The following KCNJ6 variants were observed in gnomAD, a reference collection of about 807,000 sequenced individuals.
The protein encoded by KCNJ6 is potassium inwardly rectifying channel subfamily J member 6, also known as G protein-activated inward rectifier potassium channel 2.
A neutral mutation model predicts 34.2 loss-of-function variants in KCNJ6; 9 were observed. The ratio of observed to expected loss-of-function variants is 0.26; its 90% CI spans 0.16 to 0.46. The LOEUF (loss-of-function observed/expected upper bound fraction) is 0.46. KCNJ6 is among the 20% of genes least tolerant of loss of function. The probability of loss-of-function intolerance (pLI) is 1.00; values close to 1 mark genes in which losing one functional copy is unlikely to be tolerated. For synonymous variants in KCNJ6, 196 were observed against 207.1 expected, an observed-to-expected ratio of 0.95 and a Z score of 0.46; for missense variants, 236 against 531.3, an observed-to-expected ratio of 0.44 and a Z score of 5.46.
intron 3 of KCNJ6, among the ~76,000 whole-genome samples, chr21:37,680,005 T>C (rs552258165): frequency 1.2e-4 from 19 of 152,340 alleles, no homozygotes; most frequent in African/African-American, 4.3e-4. Flanking sequence ...ATTAAAATTC[T>C]TATTTGACAA....
chr21:37,802,584 C>T (rs1014699302), intron 2 of KCNJ6, among the ~76,000 whole-genome samples: 1 of 152,154 alleles, frequency 6.6e-6, no homozygotes, highest in Admixed American at 6.5e-5. Context: ...GAGAAGAGGC[C>T]AGAAGATGGC....
chr21:37,655,797 T>C (rs2054461213), intron 3 of KCNJ6, among the ~76,000 whole-genome samples: 1 of 152,192 alleles, frequency 6.6e-6, no homozygotes, highest in Non-Finnish European at 1.5e-5. Context: ...AGGCCAGCCC[T>C]GGGGCAGAAG....
intron 3 of KCNJ6, among the ~76,000 whole-genome samples, chr21:37,670,165 T>C (rs898641416): frequency 6.6e-6 from 1 of 152,212 alleles, no homozygotes; most frequent in Non-Finnish European, 1.5e-5. Flanking sequence ...GAAAGTCAAT[T>C]ATTCTAAGGT....
At chr21:37,863,209 A>C (rs1363041486) in intron 1 of KCNJ6, among the ~76,000 whole-genome samples, 1 of 152,274 alleles carries the variant, frequency 6.6e-6, no homozygotes, top group East Asian at 1.9e-4. Flanking sequence ...ATGTCTGCTT[A>C]AATGAGTAAA....
At chr21:37,754,514 T>C (rs967722007) in intron 2 of KCNJ6, among the ~76,000 whole-genome samples, 9 of 152,046 alleles carry the variant, frequency 5.9e-5, no homozygotes, top group African/African-American at 9.7e-5. Context: ...CAGAAATAAG[T>C]GAAGGTTTAA....
intron 1 of KCNJ6, among the ~76,000 whole-genome samples, chr21:37,876,628 T>C (rs974211991): frequency 2.6e-5 from 4 of 152,120 alleles, no homozygotes; most frequent in Middle Eastern, 3.4e-3. Context: ...TATATATGTA[T>C]ATATGAAATA....
chr21:37,791,620 T>C (rs932630410), intron 2 of KCNJ6, among the ~76,000 whole-genome samples: 6 of 152,234 alleles, frequency 3.9e-5, no homozygotes, highest in African/African-American at 1.4e-4. Flanking sequence ...ATTTTGACCA[T>C]AGCTGTCTGA....
chr21:37,705,975 A>T (rs535792841), intron 3 of KCNJ6, among the ~76,000 whole-genome samples: 159 of 152,288 alleles, frequency 1.0e-3, no homozygotes, highest in Non-Finnish European at 1.9e-3. Flanking sequence ...CATCCTGTAT[A>T]TCACATGGGA....
At chr21:37,865,588 T>A (rs898826165) in intron 1 of KCNJ6, among the ~76,000 whole-genome samples, 3 of 152,248 alleles carry the variant, frequency 2.0e-5, no homozygotes, top group African/African-American at 7.2e-5. Context: ...ATCTAATTAA[T>A]CATTTTATGA....
intron 2 of KCNJ6, among the ~76,000 whole-genome samples, chr21:37,798,926 T>C (rs2055256194): frequency 6.6e-6 from 1 of 152,238 alleles, no homozygotes; most frequent in East Asian, 1.9e-4. Context: ...AATAAGGATT[T>C]TAACTTTTAA....
intron 2 of KCNJ6, among the ~76,000 whole-genome samples, chr21:37,827,985 A>T (rs551192181): frequency 1.0e-3 from 156 of 152,280 alleles, no homozygotes; most frequent in African/African-American, 3.7e-3. Flanking sequence ...CACAGCTAGG[A>T]GGTGGCTGGG....
chr21:37,737,223 A>T (rs934278770), intron 2 of KCNJ6, among the ~76,000 whole-genome samples: 1 of 152,194 alleles, frequency 6.6e-6, no homozygotes, highest in African/African-American at 2.4e-5. Flanking sequence ...GTGCTACAGG[A>T]GTACGTCTCA....
intron 2 of KCNJ6, among the ~76,000 whole-genome samples, chr21:37,766,804 T>C (rs57205806): frequency 6.6e-6 from 1 of 152,246 alleles, no homozygotes; most frequent in African/African-American, 2.4e-5. Flanking sequence ...GAACGAGCAT[T>C]ACTCCCTGAG....
chr21:37,799,248 G>A (rs2055257898), intron 2 of KCNJ6, among the ~76,000 whole-genome samples: 1 of 152,146 alleles, frequency 6.6e-6, no homozygotes, highest in Non-Finnish European at 1.5e-5. Flanking sequence ...CAAAGGACAT[G>A]ATCTTGTTCT....
chr21:37,859,274 T>C (rs1422166580), intron 1 of KCNJ6, among the ~76,000 whole-genome samples: 1 of 151,618 alleles, frequency 6.6e-6, no homozygotes, highest in Non-Finnish European at 1.5e-5. Context: ...TCCACTTATG[T>C]TTAAGAAAGC....
intron 2 of KCNJ6, among the ~76,000 whole-genome samples, chr21:37,819,722 A>G (rs1399716592): frequency 6.6e-6 from 1 of 152,066 alleles, no homozygotes; most frequent in Non-Finnish European, 1.5e-5. Flanking sequence ...TTTTCATTAT[A>G]GATTAACTCC....
intron 3 of KCNJ6, among the ~76,000 whole-genome samples, chr21:37,666,733 AAGAG>A (rs1165193134): frequency 3.3e-5 from 5 of 152,020 alleles, no homozygotes; most frequent in Admixed American, 6.5e-5. Flanking sequence ...GGGGAAAAGA[AAGAG>A]AGATCAGATT....
At chr21:37,829,226 G>A (rs2055413569) in intron 2 of KCNJ6, among the ~76,000 whole-genome samples, 1 of 152,076 alleles carries the variant, frequency 6.6e-6, no homozygotes, top group South Asian at 2.1e-4. Context: ...GATTGTGGGA[G>A]GAGGGCGGGA....
Position 37,620,845 on chromosome 21 carries a change from C to G in KCNJ6, c.*4314G>C, listed in dbSNP as rs1787335. 6.6e-6 allele frequency: 1 copy of G among 152,082 alleles called. No individual in the cohort carries two copies. The highest frequency in any genetic ancestry group is 2.4e-5 in the African/African-American group (1 of 41,426). 9.4% of individuals were successfully genotyped at this position (152,082 alleles called of 1,614,324 possible). On this transcript the variant is annotated 3_prime_UTR_variant, in exon 4 of 4. Coordinates refer to ENST00000609713, the MANE Select transcript of KCNJ6 (RefSeq NM_002240.5). ...TATATATTCTGTGATTTATCAAAATCTCTTAGCAGCCTTCTGACAGAATTT... is the reference window on the plus strand; with the variant it reads ...TATATATTCTGTGATTTATCAAAATGTCTTAGCAGCCTTCTGACAGAATTT...
Sources: gnomAD v4.1 joint callset for allele counts (sites outside exome capture counted in the v4.1 genomes callset) on GRCh38, gnomAD v4.1.1 for gene constraint, MANE v1.5 for transcripts, NCBI Gene and HGNC (gene_info 2026-07-23, HGNC 2026-07-21) for gene names.